The following CTNNA3 variants were observed in gnomAD, a reference collection of about 807,000 sequenced individuals.
CTNNA3 encodes the protein catenin alpha 3.
Under a neutral mutation model 95.7 loss-of-function variants are expected in CTNNA3, and 76 were observed. The observed-to-expected ratio is 0.79, with a 90% CI of 0.66 to 0.96. The LOEUF (loss-of-function observed/expected upper bound fraction) is 0.96, where lower values mean the gene tolerates loss of function less well. CTNNA3 is among the 40% of genes least tolerant of loss of function. The probability of loss-of-function intolerance (pLI) is 0.00; values close to 1 mark genes in which losing one functional copy is unlikely to be tolerated. For missense variants in CTNNA3, 1,191 were observed against 1,089.8 expected (o/e 1.09, Z -1.31); for synonymous variants, 431 against 374.4 (o/e 1.15, Z -1.74).
At chr10:67,390,128 T>C (rs1361651065) in intron 5 of CTNNA3, among the ~76,000 whole-genome samples, 1 of 152,186 alleles carries the variant, frequency 6.6e-6, no homozygotes, top group African/African-American at 2.4e-5. Context: ...GAGCTGGTTT[T>C]TTGAAAGGAT....
intron 5 of CTNNA3, among the ~76,000 whole-genome samples, chr10:67,503,758 T>C (rs1034031148): frequency 5.3e-5 from 8 of 152,204 alleles, no homozygotes; most frequent in Non-Finnish European, 1.5e-5. Flanking sequence ...TTCTCTCAAA[T>C]TGATCCCCTA....
At chr10:65,970,622 C>G (rs2078075496) in intron 16 of CTNNA3, among the ~76,000 whole-genome samples, 1 of 149,210 alleles carries the variant, frequency 6.7e-6, no homozygotes, top group Non-Finnish European at 1.5e-5. Flanking sequence ...AGAGGAGCGG[C>G]TATTATATTA....
At chr10:66,422,792 G>C (rs1488855558) in intron 11 of CTNNA3, among the ~76,000 whole-genome samples, 2 of 151,666 alleles carry the variant, frequency 1.3e-5, no homozygotes, top group Non-Finnish European at 2.9e-5. Flanking sequence ...ACCACACCTG[G>C]TTAATTTTTG....
rs116347795 is a variant in CTNNA3 at position 66,983,154 on chromosome 10, T to A, written c.1047+197163A>T. Among the ~76,000 whole-genome samples, 716 of 152,304 alleles carry A rather than the reference T, an allele frequency of 4.7e-3. 10 individuals carry two copies. The highest frequency in any genetic ancestry group is 0.016 in the African/African-American group (665 of 41,560). On this transcript the variant is annotated intron_variant, in intron 7 of 17. Coordinates refer to ENST00000433211, the MANE Select transcript of CTNNA3 (RefSeq NM_013266.4). ...TTAAAAACTAATGAGCAAATTTTTT[T>A]ATTATTATTTTTGAAAACACTGCAG...
At chr10:66,087,441 C>T (rs2081028791) in intron 14 of CTNNA3, among the ~76,000 whole-genome samples, 1 of 152,102 alleles carries the variant, frequency 6.6e-6, no homozygotes, top group African/African-American at 2.4e-5. Context: ...TGGGTAGAGA[C>T]CAGAGATGCT....
chr10:67,270,033 T>C lies in CTNNA3; in HGVS notation c.580-50163A>G, dbSNP rs908101706. ...TAATACAGAACTGAGAATAAATTAC[T>C]TTCAGCAGCTGCACTCTAGACCTAT... On this transcript the variant is annotated intron_variant, in intron 5 of 17. Coordinates refer to ENST00000433211, the MANE Select transcript of CTNNA3 (RefSeq NM_013266.4). 5.9e-5 allele frequency among the ~76,000 whole-genome samples: 9 copies of C among 152,104 alleles called. 1 individual carries two copies. The highest frequency in any genetic ancestry group is 5.9e-4 in the Admixed American group (9 of 15,272).
intron 5 of CTNNA3, among the ~76,000 whole-genome samples, chr10:67,300,182 C>G (rs190379857): frequency 6.6e-6 from 1 of 152,288 alleles, no homozygotes; most frequent in Middle Eastern, 3.4e-3. Context: ...CCGCTCCCCC[C>G]ACAAAAAATA....
At chr10:66,057,951 A>G (rs1347117054) in intron 15 of CTNNA3, among the ~76,000 whole-genome samples, 12 of 152,174 alleles carry the variant, frequency 7.9e-5, no homozygotes, top group Admixed American at 7.9e-4. Flanking sequence ...AAGTAATGTA[A>G]AAAATGGACT....
intron 10 of CTNNA3, among the ~76,000 whole-genome samples, chr10:66,605,825 A>G (rs183519898): frequency 6.6e-6 from 1 of 152,202 alleles, no homozygotes; most frequent in African/African-American, 2.4e-5. Context: ...ATGTGGAAAG[A>G]CTGTTACCAG....
intron 5 of CTNNA3, among the ~76,000 whole-genome samples, chr10:67,495,400 A>G (rs2133088636): frequency 6.6e-6 from 1 of 151,928 alleles, no homozygotes; most frequent in South Asian, 2.1e-4. Context: ...TTTCCCTAAG[A>G]CTCCTAGAAG....
chr10:67,445,194 T>C (rs576235349), intron 5 of CTNNA3, among the ~76,000 whole-genome samples: 2 of 148,020 alleles, frequency 1.4e-5, no homozygotes, highest in South Asian at 4.2e-4. Context: ...GAAAAAAACA[T>C]ACAACAAATA....
intron 15 of CTNNA3, among the ~76,000 whole-genome samples, chr10:66,064,177 C>T (rs188516797): frequency 1.3e-5 from 2 of 152,194 alleles, no homozygotes; most frequent in African/African-American, 4.8e-5. Context: ...CAAGTGAAGG[C>T]GGAAGAGCCC....
intron 1 of CTNNA3, among the ~76,000 whole-genome samples, chr10:67,713,301 T>C (rs752177852): frequency 2.0e-5 from 3 of 152,158 alleles, no homozygotes; most frequent in Non-Finnish European, 4.4e-5. Context: ...CTGGAGAGCA[T>C]GTGGAGAAAT....
At chr10:67,726,040 T>A (rs1361468012) in intron 1 of CTNNA3, among the ~76,000 whole-genome samples, 1 of 132,302 alleles carries the variant, frequency 7.6e-6, no homozygotes, top group Admixed American at 8.7e-5. Flanking sequence ...GGAATTCTAT[T>A]ATATACAATT....
intron 9 of CTNNA3, among the ~76,000 whole-genome samples, chr10:66,735,710 C>T (rs1209394900): frequency 8.5e-5 from 13 of 152,050 alleles, no homozygotes; most frequent in Admixed American, 8.5e-4. Context: ...TGTCTTTCCT[C>T]CATTTTCTTC....
intron 9 of CTNNA3, among the ~76,000 whole-genome samples, chr10:66,728,136 A>G (rs113411809): frequency 0.012 from 1,805 of 152,322 alleles, 22 homozygotes; most frequent in Middle Eastern, 0.044. Context: ...TTCCTTCATT[A>G]CTAGTAACAG....
chr10:65,996,612 C>T (rs368587057), intron 15 of CTNNA3, among the ~76,000 whole-genome samples: 3 of 152,084 alleles, frequency 2.0e-5, no homozygotes, highest in Admixed American at 6.5e-5. Flanking sequence ...CTATCTGGAG[C>T]GACGCCATTA....
intron 12 of CTNNA3, among the ~76,000 whole-genome samples, chr10:66,328,738 AC>A (rs1158667503): frequency 1.3e-5 from 2 of 151,114 alleles, no homozygotes; most frequent in African/African-American, 4.8e-5. Flanking sequence ...CTGGAGACCC[AC>A]TAAATCTGGT....
At chr10:67,107,368 C>G (rs74233478) in intron 7 of CTNNA3, among the ~76,000 whole-genome samples, 2,625 of 152,264 alleles carry the variant, frequency 0.017, 82 homozygotes, top group East Asian at 0.12. Flanking sequence ...GAATATTAAT[C>G]CTTTGTTTAA....
Sources: allele counts gnomAD v4.1 joint callset (sites outside exome capture counted in the v4.1 genomes callset), GRCh38; gene constraint gnomAD v4.1.1; transcripts MANE v1.5; gene names NCBI Gene and HGNC (gene_info 2026-07-23, HGNC 2026-07-21).